Variants in RUFY3 observed in about 807,000 individuals in gnomAD.
RUFY3 encodes the protein RUN and FYVE domain containing 3.
RUFY3 carries 34 observed loss-of-function variants against 84.0 expected under a neutral mutation model. The ratio of observed to expected loss-of-function variants is 0.40; its 90% CI spans 0.31 to 0.54. RUFY3 has a LOEUF of 0.54. RUFY3 is among the 20% of genes least tolerant of loss of function. The pLI is 0.39. For missense variants in RUFY3, 507 were observed against 736.8 expected (o/e 0.69, Z 3.61); for synonymous variants, 242 against 252.9 (o/e 0.96, Z 0.41).
rs958663826 is a variant in RUFY3 at position 70,808,442 on chromosome 4, T to C, written c.*1783T>C. Among the ~76,000 whole-genome samples the C allele has an allele frequency of 6.6e-6, 1 of 152,234 alleles. No homozygotes were observed. The highest frequency in any genetic ancestry group is 2.4e-5 in the African/African-American group (1 of 41,462). The stretch of plus-strand genomic sequence containing the variant: ...ACCTAAGAAGGTATGATTCTGTGAC[T>C]GATTTAGAATTCTGGGGTGGAAATA... On this transcript the variant is annotated 3_prime_UTR_variant, in exon 18 of 18. Coordinates refer to ENST00000381006, the MANE Select transcript of RUFY3 (RefSeq NM_001037442.4).
At position 70,736,110 on chromosome 4, in the gene RUFY3, C is replaced by A. The variant is rs539629879; in HGVS notation, c.178+13359C>A. The stretch of plus-strand genomic sequence containing the variant: ...TCAAGGCTGCTGTGAGCTGTGATTG[C>A]GCCACAGTGCTCCACTGGGTGGCAG... On this transcript the variant is annotated intron_variant, in intron 1 of 17. Transcript: ENST00000381006. 1.4e-4 allele frequency among the ~76,000 whole-genome samples: 20 copies of A among 147,728 alleles called. 1 individual carries two copies. The South Asian group carries it at 4.3e-3, about 31-fold the overall frequency.
chr4:70,768,722 A>G, intron 5 of RUFY3, 61 bp downstream of exon 5: 4 of 1,576,440 alleles, frequency 2.5e-6, no homozygotes, highest in Non-Finnish European at 3.5e-6. Context: ...TCAGAAGTGG[A>G]TTTGATTAGG....
At chr4:70,783,477 T>A (rs1162407564) in intron 9 of RUFY3, among the ~76,000 whole-genome samples, 1 of 152,260 alleles carries the variant, frequency 6.6e-6, no homozygotes, top group Non-Finnish European at 1.5e-5. Flanking sequence ...TAATTTGTTA[T>A]GTTAAACATA....
rs773435653 is a variant in RUFY3 at position 70,789,538 on chromosome 4, G to A, written c.1283G>A (p.Arg428His). The A allele has an allele frequency of 1.9e-5, 31 of 1,612,674 alleles. No individual in the cohort carries two copies. Among genetic ancestry groups the A allele is most frequent in the South Asian group, 6.6e-5 (6 of 90,968 alleles). The change falls in exon 12 of 18, where the codon CGC (arginine) becomes CAC (histidine). Residue 428 changes from arginine to histidine, a missense_variant. Physicochemically the swap from Arg to His is conservative, Grantham distance 29. Around this residue, in one of 4 missense-constraint regions of RUFY3, gnomAD observed 334 missense variants for 364.1 expected, o/e 0.92. Transcript: ENST00000381006. ...AAACAGAAAAGTGAACTAAACAGTC[G>A]CTTGGAAGAGAAGACTAATCAGATG... ...GVKQKSELNS[R>H]LEEKTNQMAA... is the part of the protein sequence containing the mutation.
At chr4:70,720,336 A>G (rs1481986165), upstream of RUFY3, among the ~76,000 whole-genome samples, 1 of 152,168 alleles carries the variant, frequency 6.6e-6, no homozygotes, top group Admixed American at 6.5e-5. Context: ...GGCACATGCC[A>G]CCACATCTGA....
Position 70,800,221 on chromosome 4 carries a change from G to GT in RUFY3, c.1622+17dup. ...AAAGCCACAGGTGTTTGTTAATCAA[G>GT]TATTAACTAAGATGTAAAGTTATTC... On this transcript the variant is annotated intron_variant, in intron 15 of 17. Transcript: ENST00000381006. 1 of 1,586,260 alleles carries GT rather than the reference G, an allele frequency of 6.3e-7. No homozygotes were observed. The highest frequency in any genetic ancestry group is 8.6e-7 in the Non-Finnish European group (1 of 1,167,438).
At chr4:70,747,643 C>A (rs1283517415) in intron 1 of RUFY3, among the ~76,000 whole-genome samples, 1 of 152,198 alleles carries the variant, frequency 6.6e-6, no homozygotes, top group Non-Finnish European at 1.5e-5. Flanking sequence ...CATCTTTTCT[C>A]ATAACTGCTA....
At chr4:70,753,555 C>T (rs75025189) in intron 1 of RUFY3, among the ~76,000 whole-genome samples, 1 of 152,182 alleles carries the variant, frequency 6.6e-6, no homozygotes, top group African/African-American at 2.4e-5. Flanking sequence ...ATACAGATTG[C>T]TTGGGGATCT....
At chr4:70,741,685 G>T (rs1465427764) in intron 1 of RUFY3, 1 of 1,485,612 alleles carries the variant, frequency 6.7e-7, no homozygotes, top group African/African-American at 1.4e-5. Context: ...CAGAAGGTGC[G>T]TGCCACACCA....
At chr4:70,721,450 A>T (rs1742291457), upstream of RUFY3, among the ~76,000 whole-genome samples, 1 of 152,156 alleles carries the variant, frequency 6.6e-6, no homozygotes, top group Non-Finnish European at 1.5e-5. Context: ...CCTAACCTAA[A>T]AGGTCAGGTT....
intron 1 of RUFY3, among the ~76,000 whole-genome samples, chr4:70,738,759 A>G (rs1720830489): frequency 6.6e-6 from 1 of 150,890 alleles, no homozygotes; most frequent in Non-Finnish European, 1.5e-5. Flanking sequence ...TATTATTTAT[A>G]TTATTTGTTT....
intron 15 of RUFY3, among the ~76,000 whole-genome samples, chr4:70,801,371 G>T (rs1265729208): frequency 6.6e-6 from 1 of 152,096 alleles, no homozygotes; most frequent in East Asian, 1.9e-4. Context: ...TGATGATGTT[G>T]TGTCAGTGTA....
At chr4:70,746,617 C>T (rs976520749) in intron 1 of RUFY3, among the ~76,000 whole-genome samples, 39 of 151,568 alleles carry the variant, frequency 2.6e-4, no homozygotes, top group Middle Eastern at 3.2e-3. Flanking sequence ...CGTATAAGAA[C>T]TTGTTTACTC....
At chr4:70,718,693 C>A (rs937041004), upstream of RUFY3, among the ~76,000 whole-genome samples, 2 of 151,924 alleles carry the variant, frequency 1.3e-5, no homozygotes, top group African/African-American at 4.8e-5. Context: ...TAGTAAAGAC[C>A]AAAATGTAAA....
At chr4:70,747,399 C>T (rs913986046) in intron 1 of RUFY3, among the ~76,000 whole-genome samples, 3 of 151,982 alleles carry the variant, frequency 2.0e-5, no homozygotes, top group Non-Finnish European at 4.4e-5. Flanking sequence ...TTGTGACCCA[C>T]TAAAGGGTTG....
At chr4:70,742,747 A>G (rs1217883930) in intron 1 of RUFY3, among the ~76,000 whole-genome samples, 1 of 152,240 alleles carries the variant, frequency 6.6e-6, no homozygotes, top group East Asian at 1.9e-4. Flanking sequence ...TACTGCCCTC[A>G]GTAGATCTGG....
chr4:70,797,669 C>G (rs1731701229), intron 14 of RUFY3, among the ~76,000 whole-genome samples: 1 of 151,730 alleles, frequency 6.6e-6, no homozygotes, highest in African/African-American at 2.4e-5. Context: ...ATGGTGAAAC[C>G]CTGTCTCTAC....
intron 1 of RUFY3, among the ~76,000 whole-genome samples, chr4:70,710,279 G>A (rs1284347101): frequency 6.6e-6 from 1 of 151,326 alleles, no homozygotes; most frequent in Non-Finnish European, 1.5e-5. Context: ...TGTGTAGATT[G>A]TATATGTGTT....
At chr4:70,803,145 A>G in intron 16 of RUFY3, 162 bp downstream of exon 16, 1 of 526,390 alleles carries the variant, frequency 1.9e-6, no homozygotes, top group South Asian at 3.2e-5. Context: ...AAGCTCACAC[A>G]GGAAGTAGCA....
Sources: gnomAD v4.1 joint callset for allele counts (sites outside exome capture counted in the v4.1 genomes callset) on GRCh38, gnomAD v4.1.1 for gene constraint, gnomAD v4.1.1 regional missense constraint, MANE v1.5 for transcripts, NCBI Gene and HGNC (gene_info 2026-07-23, HGNC 2026-07-21) for gene names.